Variants in CPSF3 observed in about 807,000 individuals in gnomAD.
The protein encoded by CPSF3 is cleavage and polyadenylation specificity factor subunit 3.
CPSF3 carries 57 observed loss-of-function variants against 84.1 expected under a neutral mutation model. The ratio of observed to expected loss-of-function variants is 0.68; its 90% CI spans 0.55 to 0.85. The LOEUF is 0.85. Ranked by LOEUF, CPSF3 falls within the 40% of genes least tolerant of loss-of-function variation. The probability of loss-of-function intolerance (pLI) is 0.00; values close to 1 mark genes in which losing one functional copy is unlikely to be tolerated. For synonymous variants in CPSF3, 275 were observed against 278.1 expected (o/e 0.99, Z 0.11); for missense variants, 522 against 838.8 (o/e 0.62, Z 4.66).
At chr2:9,439,718 G>A (rs1183051527) in intron 7 of CPSF3, among the ~76,000 whole-genome samples, 1 of 152,122 alleles carries the variant, frequency 6.6e-6, no homozygotes, top group Non-Finnish European at 1.5e-5. Flanking sequence ...GCTGAGTGTG[G>A]TGACTCATGC....
chr2:9,428,612 T>G (rs1680472451), intron 1 of CPSF3, among the ~76,000 whole-genome samples, 153 bp from the exon 2 acceptor site: 3 of 152,228 alleles, frequency 2.0e-5, no homozygotes, highest in Admixed American at 2.0e-4. Context: ...TCCCTGTCTT[T>G]GTGATTTTGT....
intron 5 of CPSF3, 32 bp from the exon 6 acceptor site, chr2:9,433,839 A>T (rs747675008): frequency 5.8e-5 from 85 of 1,476,190 alleles, no homozygotes; most frequent in Non-Finnish European, 7.8e-5. Context: ...CCTTCCCCAA[A>T]TCCTAACTTT....
At chr2:9,461,746 T>C (rs1183409173) in intron 15 of CPSF3, among the ~76,000 whole-genome samples, 1 of 74,620 alleles carries the variant, frequency 1.3e-5, no homozygotes, top group South Asian at 4.8e-4. Flanking sequence ...GGAGGATCTT[T>C]TTTTTTTTTT....
chr2:9,457,108 T>G (rs770193925), intron 14 of CPSF3, 81 bp downstream of exon 14: 1 of 770,120 alleles, frequency 1.3e-6, no homozygotes, highest in Non-Finnish European at 2.2e-6. Context: ...AGAAAATTAG[T>G]TTCTTCCCAA....
In CPSF3 at chr2:9,455,757, G is replaced by GGT. The variant is rs751111687; in HGVS notation, c.1603+11_1603+12dup. On this transcript the variant is annotated frameshift_variant and splice_region_variant. Transcript: ENST00000238112. LOFTEE classifies it high-confidence loss of function. ...CTGTTACCAGCTGCAGAAATTGACAGGTGTGTGTGTGTACTGAAATTCATT... is the reference window on the plus strand; with the variant it reads ...CTGTTACCAGCTGCAGAAATTGACAGGTGTGTGTGTGTGTACTGAAATTCATT... The GGT allele has an allele frequency of 2.7e-5, 44 of 1,602,100 alleles. No individual in the cohort carries two copies. The Admixed American group carries it at 4.2e-4, about 15-fold the overall frequency.
rs1186328248 is a variant in CPSF3, at chr2:9,441,514, A to G, written c.937-304A>G. Among the ~76,000 whole-genome samples the G allele has an allele frequency of 4.6e-5, 7 of 152,220 alleles. No individual in the cohort carries two copies. The South Asian group carries it at 1.2e-3, about 27-fold the overall frequency. On this transcript the variant is annotated intron_variant, in intron 8 of 17. Coordinates refer to ENST00000238112, the MANE Select transcript of CPSF3 (RefSeq NM_016207.4). ...CAAGACCCATTTGACTCTTCCTTTT[A>G]CTTTTCTGCCTGCCTGCTAGGCGCT... is the stretch of plus-strand genomic sequence containing the variant.
At chr2:9,426,318 A>G (rs1237792156) in intron 1 of CPSF3, among the ~76,000 whole-genome samples, 1 of 152,210 alleles carries the variant, frequency 6.6e-6, no homozygotes, top group Non-Finnish European at 1.5e-5. Flanking sequence ...TGACGTTGGA[A>G]CTGAGACCCA....
chr2:9,445,315 T>C (rs2124830452), intron 10 of CPSF3, among the ~76,000 whole-genome samples: 1 of 152,232 alleles, frequency 6.6e-6, no homozygotes, highest in East Asian at 1.9e-4. Flanking sequence ...GCCGAAGTCA[T>C]GGTCCGTTAT....
Position 9,453,012 on chromosome 2 carries a change from G to A in CPSF3, c.1495G>A (p.Asp499Asn), listed in dbSNP as rs765101532. 1.6e-5 allele frequency: 26 copies of A among 1,591,018 alleles called. No individual in the cohort carries two copies. The highest frequency in any genetic ancestry group is 3.4e-5 in the South Asian group (3 of 88,242). ...TAATTATCACATACTTTCTCCTTGC[G>A]ACCTGTCCAGTAAGTATACTATTAA... ...NFNYHILSPCDLSNYTDLAMS... is the reference protein window; with the variant it reads ...NFNYHILSPCNLSNYTDLAMS... Residue 499 changes from aspartate (D) to asparagine (N), a missense_variant, in exon 12 of 18, where the codon GAC (aspartate) becomes AAC (asparagine). Transcript: ENST00000238112.
At chr2:9,428,666 TCA>T in intron 1 of CPSF3, 97 bp from the exon 2 acceptor site, 1 of 736,246 alleles carries the variant, frequency 1.4e-6, no homozygotes, top group Non-Finnish European at 2.4e-6. Flanking sequence ...GGTGCTGTCA[TCA>T]GATGGCATGT....
At chr2:9,455,895 A>G in intron 13 of CPSF3, 138 bp downstream of exon 13, 3 of 570,780 alleles carry the variant, frequency 5.3e-6, no homozygotes, top group African/African-American at 1.9e-5. Flanking sequence ...TGATCATGTT[A>G]TTATTGCCTT....
At chr2:9,439,538 T>G (rs1680901382) in intron 7 of CPSF3, among the ~76,000 whole-genome samples, 1 of 151,834 alleles carries the variant, frequency 6.6e-6, no homozygotes, top group South Asian at 2.1e-4. Context: ...ATTTTCAAAC[T>G]GCAGAGGCAC....
At chr2:9,450,932 A>T (rs1681309303) in intron 11 of CPSF3, among the ~76,000 whole-genome samples, 1 of 152,098 alleles carries the variant, frequency 6.6e-6, no homozygotes, top group South Asian at 2.1e-4. Flanking sequence ...AAATAGTCGT[A>T]GTTACTCCTG....
chr2:9,433,452 A>C (rs114373351), intron 5 of CPSF3, among the ~76,000 whole-genome samples: 1 of 152,230 alleles, frequency 6.6e-6, no homozygotes. Context: ...TCCAGGGCAC[A>C]AAAAATAAGT....
rs757939087 is a variant in CPSF3, at chr2:9,433,976, C to CTAA, written c.609+18_609+19insATA. On this transcript the variant is annotated intron_variant, in intron 6 of 17. Transcript: ENST00000238112. ...TCTTATCATTGTAAGTATTAATATA[C>CTAA]TATATTGTAATCAATGTAATGTAAG... 3 of 1,388,124 alleles carry CTAA rather than the reference C, an allele frequency of 2.2e-6. No individual in the cohort carries two copies. The highest frequency in any genetic ancestry group is 3.1e-6 in the Non-Finnish European group (3 of 983,560). The allele number at this position is 1,388,124 out of a possible 1,614,324, so 86.0% of individuals were successfully genotyped here.
chr2:9,432,855 C>T (rs1257060704), intron 5 of CPSF3, among the ~76,000 whole-genome samples, 167 bp downstream of exon 5: 1 of 152,080 alleles, frequency 6.6e-6, no homozygotes, highest in Non-Finnish European at 1.5e-5. Flanking sequence ...ATTGCAGTTC[C>T]TACCTCCATT....
chr2:9,427,943 A>G (rs1194991767), intron 1 of CPSF3, among the ~76,000 whole-genome samples: 1 of 152,164 alleles, frequency 6.6e-6, no homozygotes, highest in East Asian at 1.9e-4. Flanking sequence ...AACAGAAAGT[A>G]GAAGAAAAAG....
chr2:9,466,269 C>T (rs1410428237), intron 15 of CPSF3, among the ~76,000 whole-genome samples: 7 of 44,614 alleles, frequency 1.6e-4, no homozygotes, highest in East Asian at 1.1e-3. Context: ...CACACAAAGA[C>T]GCACGCACAC....
intron 15 of CPSF3, among the ~76,000 whole-genome samples, chr2:9,462,399 T>G (rs1271466348): frequency 4.6e-5 from 7 of 152,352 alleles, no homozygotes; most frequent in South Asian, 4.1e-4. Context: ...TGGCACTTTT[T>G]TAGGCCGGTT....
Sources: gnomAD v4.1 joint callset for allele counts (sites outside exome capture counted in the v4.1 genomes callset) on GRCh38, gnomAD v4.1.1 for gene constraint, MANE v1.5 for transcripts, NCBI Gene and HGNC (gene_info 2026-07-23, HGNC 2026-07-21) for gene names.